DCTN6: variants seen among roughly 807,000 people sequenced by gnomAD.
DCTN6 encodes dynactin 6.
In DCTN6, 15 loss-of-function variants were observed where a neutral mutation model predicts 25.8. The ratio of observed to expected loss-of-function variants is 0.58; its 90% confidence interval spans 0.39 to 0.89. The LOEUF is 0.89. Ranked by LOEUF, DCTN6 falls within the 40% of genes least tolerant of loss-of-function variation. The pLI is 0.00. For missense variants in DCTN6, 198 were observed against 237.6 expected (o/e 0.83, Z 1.09); for synonymous variants, 64 against 78.3 (o/e 0.82, Z 0.96).
At chr8:30,173,384 G>T (rs980830650) in intron 2 of DCTN6, among the ~76,000 whole-genome samples, 1 of 152,134 alleles carries the variant, frequency 6.6e-6, no homozygotes, top group Non-Finnish European at 1.5e-5. Context: ...TATTTTTGTT[G>T]CCCCATAACA....
chr8:30,168,489 T>G (rs959046070), intron 2 of DCTN6, among the ~76,000 whole-genome samples: 1 of 152,214 alleles, frequency 6.6e-6, no homozygotes, highest in African/African-American at 2.4e-5. Flanking sequence ...AGGGCTTTTA[T>G]TGTTGTTTTT....
At chr8:30,157,672 C>G (rs1246765375) in intron 1 of DCTN6, among the ~76,000 whole-genome samples, 2 of 152,164 alleles carry the variant, frequency 1.3e-5, no homozygotes, top group African/African-American at 4.8e-5. Context: ...GGCTTCTTCT[C>G]CGGTAGTCTT....
intron 5 of DCTN6, among the ~76,000 whole-genome samples, chr8:30,180,018 G>T (rs1803891568): frequency 6.6e-6 from 1 of 152,158 alleles, no homozygotes; most frequent in Non-Finnish European, 1.5e-5. Context: ...TGGCACGAAA[G>T]AAAATGCTTC....
intron 2 of DCTN6, among the ~76,000 whole-genome samples, chr8:30,174,521 A>G (rs535987575): frequency 6.6e-6 from 1 of 152,088 alleles, no homozygotes; most frequent in Non-Finnish European, 1.5e-5. Context: ...TTTTTGGTAC[A>G]GATGGGGTTT....
rs544982474 is a variant in DCTN6 at position 30,180,595 on chromosome 8, G to C, written c.439G>C (p.Asp147His). Residue 147 changes from aspartate (D) to histidine (H), a missense_variant, in exon 6 of 7, where the codon GAC becomes CAC. Asp to His is a moderately conservative substitution (Grantham distance 81). Coordinates refer to ENST00000221114, the MANE Select transcript of DCTN6 (RefSeq NM_006571.4). ...TGAGAATACGGTGATCTATGGTGCA[G>C]ACTGCCTTCGTCGGGTGCAGACTGA... The part of the protein sequence containing the change: ...IPENTVIYGA[D>H]CLRRVQTERP... The C allele has an allele frequency of 7.4e-6, 12 of 1,614,088 alleles. No individual in the cohort carries two copies. In the African/African-American group the frequency reaches 8.0e-5, roughly 11 times the overall value.
chr8:30,180,425 G>GA (rs973116044), intron 5 of DCTN6, 63 bp from the exon 6 acceptor site: 8 of 1,559,428 alleles, frequency 5.1e-6, no homozygotes, highest in Non-Finnish European at 6.9e-6. Context: ...ATCACCTTAA[G>GA]AAAAAAAGTG....
intron 3 of DCTN6, 127 bp from the exon 4 acceptor site, chr8:30,176,999 T>C (rs1418079610): frequency 1.1e-5 from 7 of 659,056 alleles, no homozygotes; most frequent in Non-Finnish European, 1.8e-5. Flanking sequence ...AAGAAATAAC[T>C]TATATAGTCA....
chr8:30,172,398 G>A (rs12541087), intron 2 of DCTN6, among the ~76,000 whole-genome samples: 22,603 of 151,832 alleles, frequency 0.15, 2,295 homozygotes, highest in East Asian at 0.44. Flanking sequence ...TTTCCAAATC[G>A]TATTTATTTT....
At chr8:30,164,291 A>T in intron 2 of DCTN6, 116 bp downstream of exon 2, 1 of 816,896 alleles carries the variant, frequency 1.2e-6, no homozygotes, top group Non-Finnish European at 2.0e-6. Flanking sequence ...AGTTTTATTG[A>T]CAAAATAATG....
intron 1 of DCTN6, among the ~76,000 whole-genome samples, chr8:30,158,443 C>T (rs1246105018): frequency 6.6e-6 from 1 of 152,144 alleles, no homozygotes; most frequent in East Asian, 1.9e-4. Context: ...GACAGTGTCG[C>T]TCATTTATCA....
At chr8:30,174,869 G>C (rs1170615766) in intron 2 of DCTN6, among the ~76,000 whole-genome samples, 2 of 152,176 alleles carry the variant, frequency 1.3e-5, no homozygotes, top group Non-Finnish European at 2.9e-5. Flanking sequence ...TCTGGCTCTA[G>C]TGCCTGTGCC....
At chr8:30,175,969 A>G (rs543175378) in intron 3 of DCTN6, among the ~76,000 whole-genome samples, 197 of 152,346 alleles carry the variant, frequency 1.3e-3, no homozygotes, top group Middle Eastern at 6.8e-3. Context: ...TTCTGCAGTA[A>G]CTCAACTGTC....
chr8:30,171,293 AG>A, intron 2 of DCTN6, among the ~76,000 whole-genome samples: 1 of 151,962 alleles, frequency 6.6e-6, no homozygotes. Flanking sequence ...TCTGTTGCCC[AG>A]GCTAGAGTAC....
intron 2 of DCTN6, among the ~76,000 whole-genome samples, chr8:30,173,753 AAC>A (rs1803794794): frequency 6.7e-6 from 1 of 149,278 alleles, no homozygotes; most frequent in African/African-American, 2.5e-5. Context: ...AAAAAAAAAA[AAC>A]CAGTTTACAC....
Position 30,177,350 on chromosome 8 carries a change from T to C in DCTN6, c.283+136T>C, listed in dbSNP as rs532095315. 89 of 615,058 alleles carry C rather than the reference T, an allele frequency of 1.4e-4. No homozygotes were observed. The South Asian group carries it at 1.9e-3, about 13-fold the overall frequency. 38.1% of individuals were successfully genotyped at this position (615,058 alleles called of 1,614,324 possible). A position where few individuals can be genotyped will look rare whatever the true frequency, so the allele number is the denominator to read the frequency against. On this transcript the variant is annotated intron_variant, in intron 4 of 6. Coordinates refer to ENST00000221114, the MANE Select transcript of DCTN6 (RefSeq NM_006571.4). ...TTCTCCTGTAGAAATTGTAAAATTG[T>C]CATAATTTATCTATCAAACATACTT...
chr8:30,161,893 G>A (rs1463861421), intron 1 of DCTN6, among the ~76,000 whole-genome samples: 1 of 128,604 alleles, frequency 7.8e-6, no homozygotes, highest in Non-Finnish European at 1.7e-5. Flanking sequence ...GACTACAGGC[G>A]CCCACCACCA....
rs780979804 is a variant in DCTN6, at chr8:30,164,142, G to A, written c.55G>A (p.Val19Ile). ...GATTGCTCCTGGAGCAGTTGTATGT[G>A]TAGAAAGTGAAATCAGAGGAGATGT... ...VKIAPGAVVC[V>I]ESEIRGDVTI... Residue 19 changes from valine (V) to isoleucine (I), a missense_variant, in exon 2 of 7, where the codon GTA becomes ATA. Physicochemically the swap from Val to Ile is conservative, Grantham distance 29. Coordinates refer to ENST00000221114, the MANE Select transcript of DCTN6 (RefSeq NM_006571.4). 8.7e-6 allele frequency: 14 copies of A among 1,613,704 alleles called. No homozygotes were observed. The highest frequency in any genetic ancestry group is 1.7e-5 in the Admixed American group (1 of 60,010).
At position 30,177,047 on chromosome 8, in the gene DCTN6, T is replaced by TA. The variant is rs1254327274; in HGVS notation, c.195-77dup. On this transcript the variant is annotated intron_variant, in intron 3 of 6. Transcript: ENST00000221114. ...TTGATGTAGGTAAAATTGAAAGAAT[T>TA]AACCCAAATTCGAAAATGGGAAGAA... is the stretch of plus-strand genomic sequence containing the variant. The TA allele has an allele frequency of 2.9e-5, 31 of 1,086,164 alleles. No individual in the cohort carries two copies. The South Asian group carries it at 3.6e-4, about 12-fold the overall frequency. 67.3% of individuals were successfully genotyped at this position (1,086,164 alleles called of 1,614,324 possible).
At chr8:30,156,970 G>A (rs751585408) in intron 1 of DCTN6, among the ~76,000 whole-genome samples, 1 of 152,194 alleles carries the variant, frequency 6.6e-6, no homozygotes, top group Non-Finnish European at 1.5e-5. Flanking sequence ...TAGATGCAAG[G>A]AGTACTTGCG....
Sources: gnomAD v4.1 joint callset for allele counts (sites outside exome capture counted in the v4.1 genomes callset) on GRCh38, gnomAD v4.1.1 for gene constraint, MANE v1.5 for transcripts, NCBI Gene and HGNC (gene_info 2026-07-23, HGNC 2026-07-21) for gene names.